Variants in DOK7 observed in about 807,000 individuals in gnomAD.
DOK7 encodes the protein protein Dok-7.
A neutral mutation model predicts 30.7 loss-of-function variants in DOK7; 32 were observed. The ratio of observed to expected loss-of-function variants is 1.04; its 90% CI spans 0.79 to 1.40. The LOEUF (loss-of-function observed/expected upper bound fraction) is 1.40. DOK7 is among the 40% of genes most tolerant of loss of function. The pLI is 0.00. For missense variants in DOK7, 1,007 were observed against 699.2 expected (o/e 1.44, Z -4.97); for synonymous variants, 447 against 324.1 (o/e 1.38, Z -4.07).
intron 2 of DOK7, among the ~76,000 whole-genome samples, chr4:3,465,484 C>T (rs1164977408): frequency 2.6e-5 from 4 of 152,190 alleles, no homozygotes; most frequent in African/African-American, 4.8e-5. Context: ...GGAAGGGTCC[C>T]GTCTGCTTCC....
intron 4 of DOK7, among the ~76,000 whole-genome samples, chr4:3,478,153 C>T (rs796139908): frequency 4.8e-4 from 73 of 152,304 alleles, no homozygotes; most frequent in African/African-American, 1.7e-3. Context: ...GGCAGGCAGC[C>T]GGCCGGGGTG....
chr4:3,499,296 T>C (rs180837306), downstream of DOK7, among the ~76,000 whole-genome samples: 64 of 151,592 alleles, frequency 4.2e-4, 1 homozygote, highest in African/African-American at 1.5e-3. Context: ...GGGAGGTCAC[T>C]GTGGGTGGGG....
rs546889092 is a variant in DOK7, at chr4:3,492,957, C to T, written c.971C>T (p.Pro324Leu). Reference sequence around the variant, plus strand: ...AGGCCACCCCCCAAGCCGCTGCGTCCGCGGCAGCTGCAGGAGGTTGGCCGC... The same window carrying T: ...AGGCCACCCCCCAAGCCGCTGCGTCTGCGGCAGCTGCAGGAGGTTGGCCGC... Reference protein sequence around the residue: ...ASRPPPKPLRPRQLQEVGRQS... With the variant: ...ASRPPPKPLRLRQLQEVGRQS... Residue 324 changes from proline to leucine, a missense_variant, in exon 7 of 7, where the codon CCG becomes CTG. Pro to Leu is a moderately conservative substitution (Grantham distance 98). Coordinates refer to ENST00000340083, the MANE Select transcript of DOK7 (RefSeq NM_173660.5). The T allele has an allele frequency of 7.7e-5, 120 of 1,553,084 alleles. No individual in the cohort carries two copies. The highest frequency in any genetic ancestry group is 1.6e-4 in the African/African-American group (12 of 73,728).
chr4:3,469,099 T>C (rs537369647), intron 2 of DOK7, among the ~76,000 whole-genome samples: 2 of 150,720 alleles, frequency 1.3e-5, no homozygotes, highest in South Asian at 2.1e-4. Context: ...TGTGCCTGTG[T>C]GTGCGTGCAT....
At chr4:3,480,562 C>T (rs1727383142) in intron 4 of DOK7, among the ~76,000 whole-genome samples, 1 of 152,150 alleles carries the variant, frequency 6.6e-6, no homozygotes, top group African/African-American at 2.4e-5. Flanking sequence ...GAGCTGAGAT[C>T]CCGCCATTGC....
chr4:3,495,513 T>C (rs1045599682), downstream of DOK7, among the ~76,000 whole-genome samples: 1 of 152,236 alleles, frequency 6.6e-6, no homozygotes, highest in African/African-American at 2.4e-5. Context: ...CCGGGACATC[T>C]GCCTCTCCTC....
downstream of DOK7, chr4:3,496,800 C>G (rs1728934638): frequency 6.5e-7 from 1 of 1,535,716 alleles, no homozygotes; most frequent in Non-Finnish European, 8.7e-7. Context: ...ATGCACTGAC[C>G]CAGGTTCTCT....
chr4:3,476,987 C>G (rs1268966953), intron 4 of DOK7, among the ~76,000 whole-genome samples: 1 of 152,192 alleles, frequency 6.6e-6, no homozygotes. Context: ...CCGCCCAGAG[C>G]TGCCCTAATG....
intron 3 of DOK7, among the ~76,000 whole-genome samples, chr4:3,475,536 G>A (rs1408007716): frequency 6.6e-6 from 1 of 152,228 alleles, no homozygotes; most frequent in East Asian, 1.9e-4. Context: ...TGTCCTCTCT[G>A]AGGCTTTCAG....
rs575306601 is a variant in DOK7 at position 3,466,095 on chromosome 4, G to T, written c.100+2544G>T. On this transcript the variant is annotated intron_variant, in intron 2 of 6. Transcript: ENST00000340083. ...GGGCCCGAGTCCTGGAGCTGGCAGG[G>T]TCTTGGAGTCACCATGGTGGGGGGA... 2.0e-5 allele frequency among the ~76,000 whole-genome samples: 3 copies of T among 152,326 alleles called. No individual in the cohort carries two copies. In the East Asian group the frequency reaches 5.8e-4, roughly 29 times the overall value.
In DOK7 at chr4:3,483,080, T is replaced by C. The variant is rs560314810; in HGVS notation, c.533-2459T>C. ...TGGCCAGGGGTGTGGAGGGTGGGGG[T>C]GGCAGCCTCCTGAGTGGAGATGTAG... On this transcript the variant is annotated intron_variant, in intron 4 of 6. Transcript: ENST00000340083. 7.5e-4 allele frequency among the ~76,000 whole-genome samples: 96 copies of C among 128,066 alleles called. 1 individual carries two copies. The highest frequency in any genetic ancestry group is 2.0e-3 in the African/African-American group (65 of 33,212). The allele number at this position is 128,066 out of a possible 152,430, so 84.0% of individuals were successfully genotyped here. A position where few individuals can be genotyped will look rare whatever the true frequency, so the allele number is the denominator to read the frequency against.
downstream of DOK7, among the ~76,000 whole-genome samples, chr4:3,497,929 C>T (rs1338139057): frequency 6.6e-6 from 1 of 152,182 alleles, no homozygotes; most frequent in African/African-American, 2.4e-5. Context: ...CGAGGCCACC[C>T]GTACCCTTCA....
In DOK7 at chr4:3,473,548, C is replaced by T. The variant is rs1726896162; in HGVS notation, c.243C>T (p.Val81=). 1 of 1,610,740 alleles carries T rather than the reference C, an allele frequency of 6.2e-7. No homozygotes were observed. The highest frequency in any genetic ancestry group is 1.3e-5 in the African/African-American group (1 of 74,860). ...GCCTGGTCCACACGCTGGCCATTGT[C>T]TGCCTGTCCCAGGCCATCATGCTGG... ...YEGLVHTLAI[V]CLSQAIMLGF... Residue 81 remains valine, a synonymous_variant, in exon 3 of 7, where the codon GTC becomes GTT. Transcript: ENST00000340083.
At chr4:3,477,501 C>A (rs975288829) in intron 4 of DOK7, among the ~76,000 whole-genome samples, 1 of 152,270 alleles carries the variant, frequency 6.6e-6, no homozygotes, top group African/African-American at 2.4e-5. Context: ...GGCGCAAGCC[C>A]ATCTGGGTGC....
intron 6 of DOK7, among the ~76,000 whole-genome samples, chr4:3,492,392 G>T (rs1429871345): frequency 6.6e-6 from 1 of 151,130 alleles, no homozygotes; most frequent in African/African-American, 2.4e-5. Flanking sequence ...GCCCCAGGTG[G>T]CCCTGGAAGG....
intron 6 of DOK7, among the ~76,000 whole-genome samples, chr4:3,499,895 G>T (rs1316309094): frequency 6.6e-6 from 1 of 152,022 alleles, no homozygotes; most frequent in African/African-American, 2.4e-5. Context: ...GGCGGTTGGT[G>T]GAGAGAGTTG....
At chr4:3,499,573 T>C (rs978684355) in intron 6 of DOK7, among the ~76,000 whole-genome samples, 3 of 152,120 alleles carry the variant, frequency 2.0e-5, no homozygotes, top group South Asian at 2.1e-4. Context: ...GGTCCCCTCC[T>C]ATCCTGCTCC....
Position 3,484,848 on chromosome 4 carries a change from C to T in DOK7, c.533-691C>T, listed in dbSNP as rs1475541370. 2.4e-5 allele frequency: 24 copies of T among 985,482 alleles called. No homozygotes were observed. In the South Asian group the frequency reaches 2.8e-4, roughly 12 times the overall value. 61.0% of individuals were successfully genotyped at this position (985,482 alleles called of 1,614,324 possible). On this transcript the variant is annotated intron_variant, in intron 4 of 6. Transcript: ENST00000340083. ...GGCTGCAGCATGTGTGGGCAGGTGC[C>T]GTGCCACACCTTTTACAAACATCTG...
Position 3,472,732 on chromosome 4 carries a change from C to T in DOK7, c.101-674C>T, listed in dbSNP as rs375644473. Among the ~76,000 whole-genome samples, 30 of 152,300 alleles carry T rather than the reference C, an allele frequency of 2.0e-4. 5 individuals are homozygous for T. The highest frequency in any genetic ancestry group is 8.3e-4 in the South Asian group (4 of 4,818). ...GAAAATGGGAAGGTGGGGGTGGAGA[C>T]GGGGACCCGAGTTGCCCTGGAGGGT... is the stretch of plus-strand genomic sequence containing the variant. On this transcript the variant is annotated intron_variant, in intron 2 of 6. Transcript: ENST00000340083.
Sources: gnomAD v4.1 joint callset for allele counts (sites outside exome capture counted in the v4.1 genomes callset) on GRCh38, gnomAD v4.1.1 for gene constraint, MANE v1.5 for transcripts, NCBI Gene and HGNC (gene_info 2026-07-23, HGNC 2026-07-21) for gene names.